SAXO2: variants seen among roughly 807,000 people sequenced by gnomAD.
The protein encoded by SAXO2 is family with sequence similarity 154, member B.
A neutral mutation model predicts 18.7 loss-of-function variants in SAXO2; 17 were observed. That is an observed-to-expected ratio of 0.91 (90% CI 0.62 to 1.36). SAXO2 has a LOEUF of 1.36. Ranked by LOEUF, SAXO2 falls within the 40% of genes most tolerant of loss-of-function variation. The probability of loss-of-function intolerance (pLI) is 0.00; values close to 1 mark genes in which losing one functional copy is unlikely to be tolerated. For synonymous variants in SAXO2, 163 were observed against 181.2 expected (o/e 0.90, Z 0.81); for missense variants, 486 against 562.6 (o/e 0.86, Z 1.38).
At position 82,283,699 on chromosome 15, in the gene SAXO2, C is replaced by G. The variant is rs2075387522; in HGVS notation, c.*637C>G. 1 of 152,294 alleles carries G rather than the reference C, an allele frequency of 6.6e-6. No homozygotes were observed. 9.4% of individuals were successfully genotyped at this position (152,294 alleles called of 1,614,324 possible). A position where few individuals can be genotyped will look rare whatever the true frequency, so the allele number is the denominator to read the frequency against. ...TATTATTTTTAGAGACAGGGTCTCACTGTCACCCGTGCTGGAGTCCAGTGG... is the reference window on the plus strand; with the variant it reads ...TATTATTTTTAGAGACAGGGTCTCAGTGTCACCCGTGCTGGAGTCCAGTGG... On this transcript the variant is annotated 3_prime_UTR_variant, in exon 4 of 4. Transcript: ENST00000682753.
At chr15:82,274,522 C>T (rs1218808852) in intron 3 of SAXO2, among the ~76,000 whole-genome samples, 15 of 151,528 alleles carry the variant, frequency 9.9e-5, no homozygotes, top group African/African-American at 2.2e-4. Flanking sequence ...GCCAACATGG[C>T]GAAACCCCAT....
intron 3 of SAXO2, among the ~76,000 whole-genome samples, chr15:82,279,116 G>C (rs927935426): frequency 1.3e-5 from 2 of 151,894 alleles, no homozygotes; most frequent in African/African-American, 4.8e-5. Flanking sequence ...ACCAAAAATT[G>C]GTTCTATTAA....
intron 3 of SAXO2, among the ~76,000 whole-genome samples, chr15:82,275,289 A>AAAG (rs2075305300): frequency 6.7e-6 from 1 of 148,246 alleles, no homozygotes; most frequent in Admixed American, 6.7e-5. Flanking sequence ...ACCAAAAAAA[A>AAAG]AAAAAAAAAA....
At chr15:82,264,531 C>T (rs2075193223) in intron 1 of SAXO2, 2 of 624,530 alleles carry the variant, frequency 3.2e-6, no homozygotes. Context: ...ATATATTGGT[C>T]AAGGTTCTTA....
rs186679679 is a variant in SAXO2, at chr15:82,264,857, T to C, written c.54-712T>C. 2,665 of 639,672 alleles carry C rather than the reference T, an allele frequency of 4.2e-3. 9 individuals are homozygous for C. The highest frequency in any genetic ancestry group is 5.4e-3 in the Non-Finnish European group (1,925 of 357,844). The allele number at this position is 639,672 out of a possible 1,614,324, so 39.6% of individuals were successfully genotyped here. A position where few individuals can be genotyped will look rare whatever the true frequency, so the allele number is the denominator to read the frequency against. ...CTCTTGTTGCCTCTATTATGTTCCA[T>C]GCAAGCAAAATAAATGTTGTGCCTT... On this transcript the variant is annotated intron_variant, in intron 1 of 3. Transcript: ENST00000682753.
rs144682831 is a variant in SAXO2 at position 82,265,808 on chromosome 15, A to G, written c.233+60A>G. 177 of 1,317,560 alleles carry G rather than the reference A, an allele frequency of 1.3e-4. No individual in the cohort carries two copies. In the African/African-American group the frequency reaches 1.6e-3, roughly 12 times the overall value. 81.6% of individuals were successfully genotyped at this position (1,317,560 alleles called of 1,614,324 possible). A position where few individuals can be genotyped will look rare whatever the true frequency, so the allele number is the denominator to read the frequency against. On this transcript the variant is annotated intron_variant, in intron 2 of 3. Transcript: ENST00000682753. Reference sequence around the variant, plus strand: ...TTCTCTCAACTCTTCTGGTGTCAATAAAGTTTTCTAGCTATTTAAATTGAA... The same window carrying G: ...TTCTCTCAACTCTTCTGGTGTCAATGAAGTTTTCTAGCTATTTAAATTGAA...
At chr15:82,278,019 GAAA>G (rs796677444) in intron 3 of SAXO2, among the ~76,000 whole-genome samples, 1 of 145,688 alleles carries the variant, frequency 6.9e-6, no homozygotes, top group Admixed American at 6.8e-5. Flanking sequence ...TTTTGCAAAA[GAAA>G]AAAAAAAGCA....
chr15:82,265,918 G>T (rs1226059033), intron 2 of SAXO2, among the ~76,000 whole-genome samples, 170 bp downstream of exon 2: 1 of 150,080 alleles, frequency 6.7e-6, no homozygotes, highest in African/African-American at 2.5e-5. Flanking sequence ...AGAAAAATGA[G>T]AATTAAGTTA....
intron 1 of SAXO2, 50 bp from the exon 2 acceptor site, chr15:82,265,519 A>G: frequency 7.9e-7 from 1 of 1,265,692 alleles, no homozygotes. Context: ...AAACGCAGTT[A>G]TAACACAAAA....
chr15:82,269,391 T>C (rs2075249426), intron 2 of SAXO2, among the ~76,000 whole-genome samples: 1 of 152,072 alleles, frequency 6.6e-6, no homozygotes, highest in African/African-American at 2.4e-5. Flanking sequence ...AGAGAGTAGC[T>C]TGTAGCAGGA....
chr15:82,269,445 G>A (rs1425903758), intron 2 of SAXO2, among the ~76,000 whole-genome samples: 1 of 152,214 alleles, frequency 6.6e-6, no homozygotes, highest in African/African-American at 2.4e-5. Flanking sequence ...GCCAGGTGGA[G>A]CAGAGAAAGC....
In SAXO2 at chr15:82,284,481, T is replaced by C. The variant is rs1470865281; in HGVS notation, c.*1419T>C. The C allele has an allele frequency of 6.6e-6, 1 of 151,864 alleles. No homozygotes were observed. The highest frequency in any genetic ancestry group is 1.5e-5 in the Non-Finnish European group (1 of 67,976). 9.4% of individuals were successfully genotyped at this position (151,864 alleles called of 1,614,324 possible). A position where few individuals can be genotyped will look rare whatever the true frequency, so the allele number is the denominator to read the frequency against. ...AAATCTTTAGGGTAAATGTAGGTAA[T>C]TTTGCACCTAATTGCCAGGCCAAGT... On this transcript the variant is annotated 3_prime_UTR_variant, in exon 4 of 4. Transcript: ENST00000682753.
intron 3 of SAXO2, among the ~76,000 whole-genome samples, chr15:82,275,820 A>G (rs956300419): frequency 3.9e-5 from 6 of 152,232 alleles, no homozygotes; most frequent in African/African-American, 1.4e-4. Flanking sequence ...AGCCAACATC[A>G]TACTGAATGG....
intron 2 of SAXO2, among the ~76,000 whole-genome samples, chr15:82,266,657 C>G (rs1462214484): frequency 6.6e-6 from 1 of 152,160 alleles, no homozygotes; most frequent in Non-Finnish European, 1.5e-5. Flanking sequence ...AATGCTCATT[C>G]AATCTATAGA....
chr15:82,277,507 G>T (rs1385689903), intron 3 of SAXO2, among the ~76,000 whole-genome samples: 1 of 152,142 alleles, frequency 6.6e-6, no homozygotes, highest in Non-Finnish European at 1.5e-5. Context: ...AGAATTGAAG[G>T]TGTAATTTTA....
At position 82,283,136 on chromosome 15, in the gene SAXO2, T is replaced by TA. The variant is rs921530363; in HGVS notation, c.*80dup. On this transcript the variant is annotated 3_prime_UTR_variant, in exon 4 of 4. Transcript: ENST00000682753. Reference sequence around the variant, plus strand: ...CAAGAGAAAACTCAATTTTTATAGTTAAAAAATTTATGATATAATAAATCA... The same window carrying TA: ...CAAGAGAAAACTCAATTTTTATAGTTAAAAAAATTTATGATATAATAAATCA... 8 of 996,164 alleles carry TA rather than the reference T, an allele frequency of 8.0e-6. No individual in the cohort carries two copies. The highest frequency in any genetic ancestry group is 6.8e-5 in the African/African-American group (4 of 58,882). 61.7% of individuals were successfully genotyped at this position (996,164 alleles called of 1,614,324 possible).
At chr15:82,279,271 G>A (rs1245424822) in intron 3 of SAXO2, among the ~76,000 whole-genome samples, 4 of 152,008 alleles carry the variant, frequency 2.6e-5, no homozygotes, top group Non-Finnish European at 5.9e-5. Flanking sequence ...TTATCAGGTT[G>A]CCATTCATTC....
intron 2 of SAXO2, among the ~76,000 whole-genome samples, chr15:82,266,434 T>C (rs189643148): frequency 1.3e-5 from 2 of 152,354 alleles, no homozygotes; most frequent in African/African-American, 4.8e-5. Context: ...TTATCTTTAA[T>C]ATAAACCAGA....
chr15:82,269,106 T>A (rs1174808243), intron 2 of SAXO2, among the ~76,000 whole-genome samples: 2 of 152,228 alleles, frequency 1.3e-5, no homozygotes, highest in East Asian at 3.8e-4. Flanking sequence ...CATGAAGCAC[T>A]ATACTAGTCA....
Sources: gnomAD v4.1 joint callset for allele counts (sites outside exome capture counted in the v4.1 genomes callset) on GRCh38, gnomAD v4.1.1 for gene constraint, MANE v1.5 for transcripts, NCBI Gene and HGNC (gene_info 2026-07-23, HGNC 2026-07-21) for gene names.